NDST3: variants seen among roughly 807,000 people sequenced by gnomAD.
The protein encoded by NDST3 is N-deacetylase and N-sulfotransferase 3.
NDST3 carries 58 observed loss-of-function variants against 96.1 expected under a neutral mutation model. The observed-to-expected ratio is 0.60, with a 90% CI of 0.49 to 0.75. NDST3 has a LOEUF of 0.75. NDST3 is among the 30% of genes least tolerant of loss of function. The probability of loss-of-function intolerance (pLI) is 0.00; values close to 1 mark genes in which losing one functional copy is unlikely to be tolerated. For synonymous variants in NDST3, 333 were observed against 359.7 expected (o/e 0.93, Z 0.84); for missense variants, 788 against 1,034.2 (o/e 0.76, Z 3.27).
chr4:118,106,894 T>A (rs917000479), intron 3 of NDST3, among the ~76,000 whole-genome samples: 4 of 152,042 alleles, frequency 2.6e-5, no homozygotes, highest in Non-Finnish European at 5.9e-5. Context: ...ATCGAGATCA[T>A]CCTGGCTAAC....
At chr4:118,222,766 T>C (rs1036517001) in intron 6 of NDST3, among the ~76,000 whole-genome samples, 1 of 152,046 alleles carries the variant, frequency 6.6e-6, no homozygotes, top group Non-Finnish European at 1.5e-5. Flanking sequence ...TTGGGTTCCA[T>C]CTGTCTTTAT....
intron 4 of NDST3, among the ~76,000 whole-genome samples, chr4:118,126,304 G>A (rs949915432): frequency 1.3e-5 from 2 of 151,602 alleles, no homozygotes; most frequent in African/African-American, 4.8e-5. Flanking sequence ...GCCATCCTTC[G>A]ACTCTCTATC....
intron 5 of NDST3, among the ~76,000 whole-genome samples, chr4:118,142,416 A>G (rs1733636795): frequency 6.6e-6 from 1 of 151,964 alleles, no homozygotes; most frequent in Admixed American, 6.5e-5. Context: ...GCTAGACGAA[A>G]ATTTATTTTA....
At chr4:118,109,769 C>G (rs1730494366) in intron 3 of NDST3, among the ~76,000 whole-genome samples, 1 of 152,090 alleles carries the variant, frequency 6.6e-6, no homozygotes, top group Non-Finnish European at 1.5e-5. Context: ...GAAGAAATTG[C>G]TATTCCTTTT....
At chr4:118,146,592 T>C (rs1418156583) in intron 6 of NDST3, among the ~76,000 whole-genome samples, 1 of 152,194 alleles carries the variant, frequency 6.6e-6, no homozygotes, top group Non-Finnish European at 1.5e-5. Flanking sequence ...TGGCCTGAAA[T>C]GTTCTAATGT....
intron 3 of NDST3, among the ~76,000 whole-genome samples, chr4:118,106,634 C>A (rs1730206548): frequency 6.6e-6 from 1 of 151,912 alleles, no homozygotes; most frequent in Non-Finnish European, 1.5e-5. Flanking sequence ...ATAAAAATAT[C>A]TAATTGGTTA....
intron 6 of NDST3, among the ~76,000 whole-genome samples, chr4:118,216,035 G>A (rs1024125515): frequency 2.6e-5 from 4 of 152,110 alleles, no homozygotes; most frequent in African/African-American, 7.2e-5. Flanking sequence ...ATGCTTATGC[G>A]CTATGAATAG....
intron 4 of NDST3, among the ~76,000 whole-genome samples, chr4:118,118,048 T>C (rs959914954): frequency 3.9e-5 from 6 of 152,172 alleles, no homozygotes; most frequent in Non-Finnish European, 5.9e-5. Context: ...AAATTTCCAC[T>C]TGACCAAATA....
intron 1 of NDST3, among the ~76,000 whole-genome samples, chr4:118,039,304 G>A (rs1238114913): frequency 6.6e-6 from 1 of 152,164 alleles, no homozygotes; most frequent in Non-Finnish European, 1.5e-5. Flanking sequence ...GACTGTTTGA[G>A]GCCAGTGTGA....
At chr4:118,237,639 T>C (rs765415663) in intron 10 of NDST3, among the ~76,000 whole-genome samples, 3 of 152,146 alleles carry the variant, frequency 2.0e-5, no homozygotes, top group Non-Finnish European at 4.4e-5. Flanking sequence ...CCATTGCAAC[T>C]CTACCATTGT....
At chr4:118,110,479 C>A (rs1297198637) in intron 3 of NDST3, among the ~76,000 whole-genome samples, 1 of 152,100 alleles carries the variant, frequency 6.6e-6, no homozygotes, top group Non-Finnish European at 1.5e-5. Context: ...GCAGCACTCA[C>A]CTCATGAGGT....
intron 8 of NDST3, among the ~76,000 whole-genome samples, chr4:118,227,948 G>A (rs1366007071): frequency 6.6e-6 from 1 of 152,154 alleles, no homozygotes; most frequent in East Asian, 1.9e-4. Context: ...GTATTAAAAT[G>A]AAGCATCATG....
At chr4:118,081,296 T>C (rs1054199922) in intron 2 of NDST3, among the ~76,000 whole-genome samples, 1 of 152,164 alleles carries the variant, frequency 6.6e-6, no homozygotes, top group South Asian at 2.1e-4. Flanking sequence ...AAATACACTA[T>C]ATTTTTATGC....
chr4:118,148,124 C>G (rs1315908748), intron 6 of NDST3, among the ~76,000 whole-genome samples: 2 of 152,114 alleles, frequency 1.3e-5, no homozygotes, highest in Non-Finnish European at 2.9e-5. Context: ...CGGTGAAACC[C>G]TGTCTCTACT....
intron 13 of NDST3, 63 bp from the exon 14 acceptor site, chr4:118,255,530 T>C (rs770746215): frequency 9.1e-5 from 136 of 1,492,258 alleles, no homozygotes; most frequent in Non-Finnish European, 1.2e-4. Context: ...TTCAACGTAG[T>C]CAAAGTGTAT....
intron 2 of NDST3, among the ~76,000 whole-genome samples, chr4:118,103,296 T>C (rs1224748202): frequency 6.6e-6 from 1 of 151,656 alleles, no homozygotes; most frequent in Non-Finnish European, 1.5e-5. Flanking sequence ...AATAAGAGAC[T>C]GAAATGAAGT....
At chr4:118,203,657 T>C (rs1284187604) in intron 6 of NDST3, among the ~76,000 whole-genome samples, 1 of 152,230 alleles carries the variant, frequency 6.6e-6, no homozygotes, top group African/African-American at 2.4e-5. Flanking sequence ...TTCTTTGGAA[T>C]GTTCCATTGT....
chr4:118,242,907 A>T (rs1741094882), intron 12 of NDST3, among the ~76,000 whole-genome samples: 1 of 151,344 alleles, frequency 6.6e-6, no homozygotes, highest in Non-Finnish European at 1.5e-5. Context: ...CTCTTACCTC[A>T]CCCTAGTGCT....
chr4:118,153,617 GT>G lies in NDST3; in HGVS notation c.1539+9935del, dbSNP rs370118798. 3.2e-3 allele frequency among the ~76,000 whole-genome samples: 487 copies of G among 152,214 alleles called. 1 individual carries two copies. Among genetic ancestry groups the G allele is most frequent in the African/African-American group, 0.011 (456 of 41,532 alleles). ...GCGGGTGGATCACCTGAGTTCAGGA[GT>G]TCCCTGACCAGCCTGGCCAACACTG... is the stretch of plus-strand genomic sequence containing the variant. On this transcript the variant is annotated intron_variant, in intron 6 of 13. Coordinates refer to ENST00000296499, the MANE Select transcript of NDST3 (RefSeq NM_004784.3).
Sources: gnomAD v4.1 joint callset for allele counts (sites outside exome capture counted in the v4.1 genomes callset) on GRCh38, gnomAD v4.1.1 for gene constraint, MANE v1.5 for transcripts, NCBI Gene and HGNC (gene_info 2026-07-23, HGNC 2026-07-21) for gene names.